Variants in LCLAT1 observed in about 807,000 individuals in gnomAD.
LCLAT1 encodes the protein 1-AGP acyltransferase 8.
LCLAT1 carries 11 observed loss-of-function variants against 30.7 expected under a neutral mutation model. The observed-to-expected ratio is 0.36, with a 90% CI of 0.23 to 0.59. LCLAT1 has a LOEUF of 0.59. LCLAT1 is among the 20% of genes least tolerant of loss of function. The probability of loss-of-function intolerance (pLI) is 0.77; values close to 1 mark genes in which losing one functional copy is unlikely to be tolerated. For synonymous variants in LCLAT1, 155 were observed against 151.3 expected (o/e 1.02, Z -0.18); for missense variants, 402 against 458.6 (o/e 0.88, Z 1.13).
At chr2:30,564,660 T>TA (rs143466468) in intron 4 of LCLAT1, among the ~76,000 whole-genome samples, 19,343 of 152,160 alleles carry the variant, frequency 0.13, 1,361 homozygotes, top group South Asian at 0.23. Context: ...ATTGAGTTGG[T>TA]AAAAAATCAT....
intron 5 of LCLAT1, among the ~76,000 whole-genome samples, chr2:30,639,162 T>G (rs1351081706): frequency 1.3e-5 from 2 of 152,216 alleles, no homozygotes; most frequent in African/African-American, 4.8e-5. Flanking sequence ...TCCTGCCCAC[T>G]TTTAGTGTTC....
intron 1 of LCLAT1, among the ~76,000 whole-genome samples, chr2:30,473,221 A>G (rs1319184555): frequency 3.9e-5 from 6 of 152,222 alleles, no homozygotes; most frequent in Admixed American, 6.5e-5. Flanking sequence ...TATAACTACC[A>G]TATGACAGTT....
chr2:30,553,179 G>C (rs1481223976), intron 3 of LCLAT1, among the ~76,000 whole-genome samples: 1 of 152,050 alleles, frequency 6.6e-6, no homozygotes, highest in East Asian at 1.9e-4. Flanking sequence ...TTGTGAAAAG[G>C]CTTACTTTTT....
chr2:30,519,276 G>T lies in LCLAT1; in HGVS notation c.-4-6311G>T, dbSNP rs115157028. Among the ~76,000 whole-genome samples, 1,011 of 152,202 alleles carry T rather than the reference G, an allele frequency of 6.6e-3. 10 individuals are homozygous for T. Among genetic ancestry groups the T allele is most frequent in the African/African-American group, 0.023 (960 of 41,524 alleles). On this transcript the variant is annotated intron_variant, in intron 1 of 5. Transcript: ENST00000379509. Reference sequence around the variant, plus strand: ...AATTGATGCTGTAAAACTACAAATCGTTCTTTAAATGGAGCCCCAGATGCA... The same window carrying T: ...AATTGATGCTGTAAAACTACAAATCTTTCTTTAAATGGAGCCCCAGATGCA...
At chr2:30,460,992 T>C (rs1682093283) in intron 1 of LCLAT1, among the ~76,000 whole-genome samples, 1 of 152,234 alleles carries the variant, frequency 6.6e-6, no homozygotes, top group African/African-American at 2.4e-5. Context: ...CCTTGCTCTG[T>C]GCACCTCTTC....
intron 3 of LCLAT1, among the ~76,000 whole-genome samples, chr2:30,542,325 ATG>A (rs1388705250): frequency 2.0e-5 from 3 of 152,054 alleles, no homozygotes; most frequent in Non-Finnish European, 2.9e-5. Context: ...TCTTAACTTT[ATG>A]TGTGACCCAT....
rs79123395 is a variant in LCLAT1 at position 30,498,902 on chromosome 2, C to T, written c.-4-26685C>T. ...TGAGAGTGGGAAGCCTGCCCTTAGGCTCCTTCTATCTCTAAAGTTACGTGT... is the reference window on the plus strand; with the variant it reads ...TGAGAGTGGGAAGCCTGCCCTTAGGTTCCTTCTATCTCTAAAGTTACGTGT... On this transcript the variant is annotated intron_variant, in intron 1 of 5. Transcript: ENST00000379509. Among the ~76,000 whole-genome samples the T allele has an allele frequency of 4.9e-3, 752 of 152,294 alleles. 6 individuals are homozygous for T. The highest frequency in any genetic ancestry group is 0.017 in the African/African-American group (727 of 41,556).
In LCLAT1 at chr2:30,642,151, T is replaced by C. The variant is rs1398254595; in HGVS notation, c.*1532T>C. 6.6e-6 allele frequency: 1 copy of C among 152,140 alleles called. No homozygotes were observed. Among genetic ancestry groups the C allele is most frequent in the South Asian group, 2.1e-4 (1 of 4,826 alleles). 9.4% of individuals were successfully genotyped at this position (152,140 alleles called of 1,614,324 possible). ...TGCATTGCCATGAAAGGTAAACACA[T>C]TGTGAACTGAACTTACCAAGCAGAT... On this transcript the variant is annotated 3_prime_UTR_variant, in exon 6 of 6. Coordinates refer to ENST00000379509, the MANE Select transcript of LCLAT1 (RefSeq NM_001002257.3).
At chr2:30,583,150 A>G (rs1381584699) in intron 5 of LCLAT1, among the ~76,000 whole-genome samples, 1 of 152,250 alleles carries the variant, frequency 6.6e-6, no homozygotes, top group African/African-American at 2.4e-5. Context: ...GCTATTGGGT[A>G]TTAATCAAAA....
chr2:30,472,838 C>T (rs145602475), intron 1 of LCLAT1, among the ~76,000 whole-genome samples: 1 of 152,086 alleles, frequency 6.6e-6, no homozygotes. Flanking sequence ...ACCTGCCCCC[C>T]ACAATACCTT....
intron 1 of LCLAT1, among the ~76,000 whole-genome samples, chr2:30,504,956 G>A (rs987763270): frequency 9.2e-5 from 14 of 152,036 alleles, no homozygotes; most frequent in Non-Finnish European, 2.1e-4. Flanking sequence ...TTCCAAAAAT[G>A]GTATTGCATT....
chr2:30,527,549 G>A (rs1685777018), intron 2 of LCLAT1, among the ~76,000 whole-genome samples: 1 of 152,144 alleles, frequency 6.6e-6, no homozygotes, highest in Non-Finnish European at 1.5e-5. Context: ...TGGAGAGCGA[G>A]CATAAGCAGA....
At chr2:30,553,276 G>A (rs1325582459) in intron 3 of LCLAT1, among the ~76,000 whole-genome samples, 1 of 152,144 alleles carries the variant, frequency 6.6e-6, no homozygotes, top group African/African-American at 2.4e-5. Flanking sequence ...TGGTAAAAGG[G>A]AATGTAAGTC....
intron 5 of LCLAT1, among the ~76,000 whole-genome samples, chr2:30,580,667 C>T (rs377232375): frequency 3.9e-5 from 6 of 151,982 alleles, no homozygotes; most frequent in African/African-American, 7.2e-5. Flanking sequence ...AACAGCTGAA[C>T]GTGAAAGGAT....
At chr2:30,598,117 C>G (rs1185780682) in intron 5 of LCLAT1, among the ~76,000 whole-genome samples, 1 of 152,104 alleles carries the variant, frequency 6.6e-6, no homozygotes, top group Non-Finnish European at 1.5e-5. Flanking sequence ...TTTGATATAT[C>G]TCTGCCAGGT....
chr2:30,507,505 C>G (rs1684726639), intron 1 of LCLAT1, among the ~76,000 whole-genome samples: 1 of 152,124 alleles, frequency 6.6e-6, no homozygotes, highest in South Asian at 2.1e-4. Flanking sequence ...AGTGTCCCCT[C>G]TGTGTGTCAA....
chr2:30,544,937 A>G (rs1442687897), intron 3 of LCLAT1, among the ~76,000 whole-genome samples: 1 of 152,120 alleles, frequency 6.6e-6, no homozygotes, highest in Non-Finnish European at 1.5e-5. Flanking sequence ...TAAGTATTTC[A>G]TTCTTAACTG....
chr2:30,480,804 A>C (rs1415298841), intron 1 of LCLAT1, among the ~76,000 whole-genome samples: 1 of 152,168 alleles, frequency 6.6e-6, no homozygotes, highest in East Asian at 1.9e-4. Context: ...TTTTTTGCTG[A>C]GGATATAATA....
chr2:30,562,392 C>G, intron 4 of LCLAT1, 100 bp downstream of exon 4: 1 of 938,510 alleles, frequency 1.1e-6, no homozygotes, highest in Non-Finnish European at 1.5e-6. Context: ...ATGGCTCTTC[C>G]AGGTGTGGTG....
Sources: allele counts gnomAD v4.1 joint callset (sites outside exome capture counted in the v4.1 genomes callset), GRCh38; gene constraint gnomAD v4.1.1; transcripts MANE v1.5; gene names NCBI Gene and HGNC (gene_info 2026-07-23, HGNC 2026-07-21).